KCTD8: variants seen among roughly 807,000 people sequenced by gnomAD.
The protein encoded by KCTD8 is potassium channel tetramerization domain containing 8.
A neutral mutation model predicts 31.5 loss-of-function variants in KCTD8; 27 were observed. The observed-to-expected ratio is 0.86, with a 90% CI of 0.63 to 1.18. The LOEUF (loss-of-function observed/expected upper bound fraction) is 1.18, where lower values mean the gene tolerates loss of function less well. Among genes scored for constraint, KCTD8 ranks in the 50% most tolerant of loss-of-function variants. The pLI, the probability that KCTD8 is intolerant of heterozygous loss-of-function variation, is 0.00. For missense variants in KCTD8, 658 were observed against 647.7 expected, an observed-to-expected ratio of 1.02 and a Z score of -0.17; for synonymous variants, 290 against 280.0, an observed-to-expected ratio of 1.04 and a Z score of -0.36.
intron 1 of KCTD8, among the ~76,000 whole-genome samples, chr4:44,444,779 T>C (rs1407910794): frequency 1.4e-5 from 2 of 141,802 alleles, no homozygotes; most frequent in African/African-American, 5.3e-5. Flanking sequence ...GAAACTCAGG[T>C]GTGGTGGGGG....
At chr4:44,184,637 T>C (rs2109331988) in intron 1 of KCTD8, among the ~76,000 whole-genome samples, 1 of 152,374 alleles carries the variant, frequency 6.6e-6, no homozygotes, top group South Asian at 2.1e-4. Flanking sequence ...GCTTTTCTAT[T>C]CTCTCATGGT....
intron 1 of KCTD8, among the ~76,000 whole-genome samples, chr4:44,423,663 A>G (rs1261245398): frequency 6.6e-6 from 1 of 152,148 alleles, no homozygotes; most frequent in Non-Finnish European, 1.5e-5. Context: ...AAATAAAGTA[A>G]GTAATAAATG....
chr4:44,372,987 T>G (rs192716820), intron 1 of KCTD8, among the ~76,000 whole-genome samples: 1 of 152,328 alleles, frequency 6.6e-6, no homozygotes, highest in East Asian at 1.9e-4. Flanking sequence ...TATAGAATTA[T>G]GCATCTGTGG....
chr4:44,365,971 G>GAA (rs146166790), intron 1 of KCTD8, among the ~76,000 whole-genome samples: 1 of 151,706 alleles, frequency 6.6e-6, no homozygotes, highest in South Asian at 2.1e-4. Flanking sequence ...TTTGACAAAA[G>GAA]AAAAAAAACC....
chr4:44,394,995 A>G (rs943555473), intron 1 of KCTD8, among the ~76,000 whole-genome samples: 1 of 152,038 alleles, frequency 6.6e-6, no homozygotes, highest in Non-Finnish European at 1.5e-5. Flanking sequence ...TTCAGGCATG[A>G]TAGTTGTGTT....
intron 1 of KCTD8, among the ~76,000 whole-genome samples, chr4:44,391,432 C>A (rs1720366814): frequency 6.6e-6 from 1 of 151,924 alleles, no homozygotes; most frequent in African/African-American, 2.4e-5. Flanking sequence ...AACCCCTTCT[C>A]TTCCTCCTCT....
chr4:44,263,938 T>A (rs1716257574), intron 1 of KCTD8, among the ~76,000 whole-genome samples: 1 of 152,206 alleles, frequency 6.6e-6, no homozygotes, highest in South Asian at 2.1e-4. Flanking sequence ...AGGAACTACC[T>A]CCAATCTCCC....
chr4:44,366,307 G>T (rs1719634980), intron 1 of KCTD8, among the ~76,000 whole-genome samples: 1 of 152,134 alleles, frequency 6.6e-6, no homozygotes, highest in African/African-American at 2.4e-5. Context: ...TGTTAGGGAG[G>T]GACCTGATGG....
intron 1 of KCTD8, among the ~76,000 whole-genome samples, chr4:44,317,228 C>CTTTTT (rs760060899): frequency 0.11 from 4,146 of 36,428 alleles, 1,293 homozygotes; most frequent in African/African-American, 0.24. Context: ...TGGGTGCTTT[C>CTTTTT]TTTTTTTTTT....
At chr4:44,259,261 TAAAG>T (rs1249118180) in intron 1 of KCTD8, among the ~76,000 whole-genome samples, 1 of 149,340 alleles carries the variant, frequency 6.7e-6, no homozygotes, top group Non-Finnish European at 1.5e-5. Flanking sequence ...GCAAGTCAAA[TAAAG>T]AGTGTAATTA....
chr4:44,360,719 A>T (rs780165221), intron 1 of KCTD8, among the ~76,000 whole-genome samples: 6 of 152,046 alleles, frequency 3.9e-5, no homozygotes, highest in Non-Finnish European at 5.9e-5. Flanking sequence ...TAGTGTCTGA[A>T]GGCTTTTAAT....
chr4:44,352,609 C>CCT (rs1553903064), intron 1 of KCTD8, among the ~76,000 whole-genome samples: 1 of 147,926 alleles, frequency 6.8e-6, no homozygotes, highest in Non-Finnish European at 1.5e-5. Flanking sequence ...AGAATAAAGA[C>CCT]CAGATTTTTA....
intron 1 of KCTD8, among the ~76,000 whole-genome samples, chr4:44,307,523 T>A (rs1577606458): frequency 6.6e-6 from 1 of 152,002 alleles, no homozygotes; most frequent in Non-Finnish European, 1.5e-5. Context: ...TTTTATCAAA[T>A]TATAAATATA....
At chr4:44,261,308 C>T (rs963568722) in intron 1 of KCTD8, among the ~76,000 whole-genome samples, 8 of 151,768 alleles carry the variant, frequency 5.3e-5, no homozygotes, top group African/African-American at 1.7e-4. Context: ...GATTTCAGTA[C>T]GGAGTTGAAA....
intron 1 of KCTD8, among the ~76,000 whole-genome samples, chr4:44,302,293 A>G (rs1439544010): frequency 6.6e-6 from 1 of 152,110 alleles, no homozygotes; most frequent in African/African-American, 2.4e-5. Flanking sequence ...CATTGAATCT[A>G]TAAATTACCT....
At chr4:44,438,905 C>A (rs1405314959) in intron 1 of KCTD8, among the ~76,000 whole-genome samples, 1 of 152,186 alleles carries the variant, frequency 6.6e-6, no homozygotes. Flanking sequence ...ATTTGATCCT[C>A]ATAACAAAGC....
At chr4:44,268,648 T>C (rs1339327028) in intron 1 of KCTD8, among the ~76,000 whole-genome samples, 3 of 152,160 alleles carry the variant, frequency 2.0e-5, no homozygotes, top group African/African-American at 4.8e-5. Flanking sequence ...GAAAACCCCA[T>C]TGTCTCAGCC....
intron 1 of KCTD8, among the ~76,000 whole-genome samples, chr4:44,291,666 T>C (rs1717278435): frequency 6.6e-6 from 1 of 151,922 alleles, no homozygotes; most frequent in Admixed American, 6.6e-5. Context: ...GCAAGAGAAA[T>C]GATCAACAGT....
At chr4:44,386,668 C>T (rs1350275038) in intron 1 of KCTD8, among the ~76,000 whole-genome samples, 2 of 151,502 alleles carry the variant, frequency 1.3e-5, no homozygotes, top group African/African-American at 4.8e-5. Context: ...TCAGTATAAC[C>T]ACTAGGGAGA....
Sources: allele counts gnomAD v4.1 joint callset (sites outside exome capture counted in the v4.1 genomes callset), GRCh38; gene constraint gnomAD v4.1.1; transcripts MANE v1.5; gene names NCBI Gene and HGNC (gene_info 2026-07-23, HGNC 2026-07-21).